Variants in CUL5 observed in about 807,000 individuals in gnomAD.
CUL5 encodes cullin-5.
A neutral mutation model predicts 108.8 loss-of-function variants in CUL5; 26 were observed. That is an observed-to-expected ratio of 0.24 (90% CI 0.18 to 0.33). The LOEUF (loss-of-function observed/expected upper bound fraction) is 0.33. Ranked by LOEUF, CUL5 falls within the 10% of genes least tolerant of loss-of-function variation. The pLI is 1.00. For missense variants in CUL5, 524 were observed against 909.2 expected (o/e 0.58, Z 5.45); for synonymous variants, 334 against 298.0 (o/e 1.12, Z -1.25).
At chr11:108,079,175 C>T (rs1467415134) in intron 11 of CUL5, among the ~76,000 whole-genome samples, 1 of 152,226 alleles carries the variant, frequency 6.6e-6, no homozygotes, top group Non-Finnish European at 1.5e-5. Flanking sequence ...ACGACCTCAG[C>T]TCACTGCAAC....
chr11:108,051,077 T>C (rs911777357), intron 4 of CUL5, among the ~76,000 whole-genome samples: 2 of 152,218 alleles, frequency 1.3e-5, no homozygotes, highest in African/African-American at 4.8e-5. Flanking sequence ...ATTACAATAG[T>C]GTAACCTGGG....
chr11:108,054,609 A>C (rs1407905794), intron 5 of CUL5, 38 bp from the exon 6 acceptor site: 2 of 1,375,748 alleles, frequency 1.5e-6, no homozygotes, highest in Non-Finnish European at 2.0e-6. Context: ...ACTGATTTTG[A>C]TCATAATTGG....
intron 2 of CUL5, among the ~76,000 whole-genome samples, chr11:108,045,702 A>T (rs968020361): frequency 8.5e-5 from 13 of 152,086 alleles, no homozygotes; most frequent in Non-Finnish European, 1.6e-4. Flanking sequence ...TCTACAACAA[A>T]ATTTAAAAAA....
chr11:108,071,885 A>C (rs1863832996), intron 8 of CUL5, among the ~76,000 whole-genome samples: 1 of 152,104 alleles, frequency 6.6e-6, no homozygotes, highest in African/African-American at 2.4e-5. Context: ...TTTTTTAAAC[A>C]TAATTTTTAG....
chr11:108,092,890 C>T (rs2135233823), intron 13 of CUL5, among the ~76,000 whole-genome samples: 1 of 152,230 alleles, frequency 6.6e-6, no homozygotes. Flanking sequence ...GATCTTGGCT[C>T]ACTGCAACTT....
intron 13 of CUL5, among the ~76,000 whole-genome samples, chr11:108,091,377 AT>A (rs2135230603): frequency 6.6e-6 from 1 of 151,522 alleles, no homozygotes; most frequent in African/African-American, 2.4e-5. Context: ...TAAAAAAAAA[AT>A]ATCAAGACCC....
intron 18 of CUL5, among the ~76,000 whole-genome samples, chr11:108,098,908 CAT>C (rs762483990): frequency 1.4e-4 from 22 of 151,780 alleles, no homozygotes; most frequent in Non-Finnish European, 2.8e-4. Context: ...AACACCTACA[CAT>C]GATTGTTTTA....
At chr11:108,016,306 C>A (rs1862189215) in intron 1 of CUL5, among the ~76,000 whole-genome samples, 2 of 151,952 alleles carry the variant, frequency 1.3e-5, no homozygotes, top group South Asian at 4.2e-4. Context: ...TCACTCTGTC[C>A]CCCAGTCTGG....
intron 16 of CUL5, among the ~76,000 whole-genome samples, chr11:108,097,291 C>G (rs985441321): frequency 1.3e-5 from 2 of 152,224 alleles, no homozygotes; most frequent in African/African-American, 2.4e-5. Flanking sequence ...GCTGGAATTA[C>G]AGGCGTGAGC....
At chr11:108,019,191 G>A (rs1221850883) in intron 1 of CUL5, among the ~76,000 whole-genome samples, 1 of 136,484 alleles carries the variant, frequency 7.3e-6, no homozygotes, top group African/African-American at 2.8e-5. Flanking sequence ...TTGGTATCCC[G>A]ATGGGTGGGG....
intron 4 of CUL5, 44 bp downstream of exon 4, chr11:108,050,110 G>T: frequency 2.7e-6 from 4 of 1,480,852 alleles, no homozygotes; most frequent in Non-Finnish European, 2.7e-6. Context: ...TCTTCAGAAA[G>T]AGGGTAATTT....
chr11:108,058,782 A>T (rs965430571), intron 7 of CUL5, among the ~76,000 whole-genome samples: 1 of 152,102 alleles, frequency 6.6e-6, no homozygotes, highest in African/African-American at 2.4e-5. Context: ...ATTTTTACTT[A>T]TAGGAGAGCC....
intron 18 of CUL5, among the ~76,000 whole-genome samples, chr11:108,100,142 T>TA (rs1177062767): frequency 1.6e-4 from 24 of 151,466 alleles, no homozygotes; most frequent in Admixed American, 4.6e-4. Context: ...TTGAGAAACT[T>TA]AAAAAAATAA....
At chr11:108,036,829 G>C (rs1862758064) in intron 2 of CUL5, among the ~76,000 whole-genome samples, 1 of 152,228 alleles carries the variant, frequency 6.6e-6, no homozygotes, top group East Asian at 1.9e-4. Flanking sequence ...TAAATTCAGT[G>C]TTTATAAGAG....
intron 1 of CUL5, among the ~76,000 whole-genome samples, chr11:108,029,110 A>G (rs570543189): frequency 1.3e-5 from 2 of 152,138 alleles, no homozygotes; most frequent in Admixed American, 1.3e-4. Flanking sequence ...GTATTCCCCC[A>G]TTGTCAACTC....
chr11:108,090,038 T>TC (rs1864312980), intron 13 of CUL5, among the ~76,000 whole-genome samples: 2 of 71,958 alleles, frequency 2.8e-5, no homozygotes, highest in South Asian at 1.7e-3. Flanking sequence ...GGACTCCATT[T>TC]CAAAAAAAAA....
In CUL5 at chr11:108,078,297, G is replaced by A. The variant is rs1280225135; in HGVS notation, c.1178+57G>A. The A allele has an allele frequency of 3.3e-6, 3 of 909,070 alleles. No individual in the cohort carries two copies. The East Asian group carries it at 7.9e-5, about 24-fold the overall frequency. 56.3% of individuals were successfully genotyped at this position (909,070 alleles called of 1,614,324 possible). A position where few individuals can be genotyped will look rare whatever the true frequency, so the allele number is the denominator to read the frequency against. ...CTTAAATTTTCTTTAGTGTAATAGG[G>A]GTTAACTAGGTATACAAAGTACCCT... On this transcript the variant is annotated intron_variant, in intron 11 of 18. Transcript: ENST00000393094.
At chr11:108,060,562 G>A (rs1464876375) in intron 7 of CUL5, among the ~76,000 whole-genome samples, 1 of 152,120 alleles carries the variant, frequency 6.6e-6, no homozygotes, top group Non-Finnish European at 1.5e-5. Context: ...CTGGCTGGAT[G>A]CCGTGGCCCA....
chr11:108,046,820 G>C (rs1323047082), intron 3 of CUL5, among the ~76,000 whole-genome samples: 1 of 152,138 alleles, frequency 6.6e-6, no homozygotes, highest in Non-Finnish European at 1.5e-5. Context: ...TTACATTGCT[G>C]TTATGTATAA....
Sources: allele counts gnomAD v4.1 joint callset (sites outside exome capture counted in the v4.1 genomes callset), GRCh38; gene constraint gnomAD v4.1.1; transcripts MANE v1.5; gene names NCBI Gene and HGNC (gene_info 2026-07-23, HGNC 2026-07-21).